PHACTR3: variants seen among roughly 807,000 people sequenced by gnomAD.
The protein encoded by PHACTR3 is protein phosphatase 1, regulatory subunit 123.
In PHACTR3, 16 loss-of-function variants were observed where a neutral mutation model predicts 66.8. The ratio of observed to expected loss-of-function variants is 0.24; its 90% CI spans 0.16 to 0.36. The LOEUF is 0.36. PHACTR3 is among the 10% of genes least tolerant of loss of function. PHACTR3 has a pLI of 1.00. For missense variants in PHACTR3, 647 were observed against 719.9 expected, an observed-to-expected ratio of 0.90 and a Z score of 1.16; for synonymous variants, 323 against 292.1, an observed-to-expected ratio of 1.11 and a Z score of -1.08.
At chr20:59,763,298 A>C (rs539332335) in intron 4 of PHACTR3, among the ~76,000 whole-genome samples, 3 of 152,222 alleles carry the variant, frequency 2.0e-5, no homozygotes, top group Non-Finnish European at 4.4e-5. Context: ...CTCCCCAGCC[A>C]TGCTGAACTG....
At chr20:59,632,581 G>A (rs1037109715) in intron 1 of PHACTR3, among the ~76,000 whole-genome samples, 1 of 152,180 alleles carries the variant, frequency 6.6e-6, no homozygotes, top group Non-Finnish European at 1.5e-5. Context: ...TTGATTTCCC[G>A]ATGGCATTAT....
intron 1 of PHACTR3, among the ~76,000 whole-genome samples, chr20:59,686,653 ATGG>A (rs569078863): frequency 9.8e-4 from 145 of 147,644 alleles, no homozygotes; most frequent in African/African-American, 2.4e-3. Context: ...GGTGATGATG[ATGG>A]TGGTGATGAT....
At chr20:59,794,788 T>C (rs1483694783) in intron 7 of PHACTR3, among the ~76,000 whole-genome samples, 1 of 152,168 alleles carries the variant, frequency 6.6e-6, no homozygotes, top group Non-Finnish European at 1.5e-5. Context: ...GTCCAGGAAA[T>C]GATCCATTTC....
Position 59,840,386 on chromosome 20 carries a change from G to A in PHACTR3, c.1402G>A (p.Glu468Lys). ...NILKQRNDQT[E>K]QEERREIKQR... ...TTTCACAGAAAGGAATGATCAGACA[G>A]AGCAGGAAGAAAGAAGAGAAATCAA... Residue 468 changes from glutamate (E) to lysine (K), a missense_variant, in exon 10 of 13, where the codon GAG becomes AAG. Transcript: ENST00000371015. 1 of 1,612,664 alleles carries A rather than the reference G, an allele frequency of 6.2e-7. No individual in the cohort carries two copies. The highest frequency in any genetic ancestry group is 8.5e-7 in the Non-Finnish European group (1 of 1,179,014).
rs78748349 is a variant in PHACTR3, at chr20:59,720,898, C to T, written c.119-22209C>T. ...TGCTTTTTGTGGTGTCCTTGAAAAT[C>T]GAGTGATTTTCACCCAGGATTTCTG... On this transcript the variant is annotated intron_variant, in intron 1 of 12. Transcript: ENST00000371015. Among the ~76,000 whole-genome samples, 1,228 of 152,204 alleles carry T rather than the reference C, an allele frequency of 8.1e-3. 21 individuals are homozygous for T. Among genetic ancestry groups the T allele is most frequent in the African/African-American group, 0.028 (1,176 of 41,474 alleles).
intron 7 of PHACTR3, among the ~76,000 whole-genome samples, chr20:59,800,412 A>G (rs73307124): frequency 6.6e-6 from 1 of 152,218 alleles, no homozygotes; most frequent in African/African-American, 2.4e-5. Context: ...TTTGAAAGAT[A>G]GTTTTTCCAA....
At chr20:59,622,015 C>T (rs140042009) in intron 1 of PHACTR3, among the ~76,000 whole-genome samples, 7 of 152,176 alleles carry the variant, frequency 4.6e-5, no homozygotes, top group African/African-American at 1.2e-4. Flanking sequence ...TTATTTTTGT[C>T]GAAAGTCATT....
intron 1 of PHACTR3, among the ~76,000 whole-genome samples, chr20:59,656,136 C>A (rs902649620): frequency 6.6e-6 from 1 of 151,832 alleles, no homozygotes; most frequent in Non-Finnish European, 1.5e-5. Flanking sequence ...GTAAAGTGTT[C>A]TATAGATGTC....
At chr20:59,579,873 T>TG in intron 1 of PHACTR3, among the ~76,000 whole-genome samples, 1 of 152,102 alleles carries the variant, frequency 6.6e-6, no homozygotes, top group East Asian at 1.9e-4. Flanking sequence ...GTGCTGTTTA[T>TG]GGGGGTGTGG....
At chr20:59,586,514 A>C (rs965006595) in intron 1 of PHACTR3, among the ~76,000 whole-genome samples, 2 of 151,678 alleles carry the variant, frequency 1.3e-5, no homozygotes, top group African/African-American at 4.9e-5. Context: ...AAATCATGAT[A>C]AATTAACTCC....
intron 8 of PHACTR3, among the ~76,000 whole-genome samples, chr20:59,810,390 G>T (rs1342456668): frequency 3.3e-5 from 5 of 152,202 alleles, no homozygotes; most frequent in Non-Finnish European, 7.3e-5. Context: ...TAAAAACCTG[G>T]AATTAGACAC....
chr20:59,847,198 T>C lies in PHACTR3; in HGVS notation c.*68T>C, dbSNP rs895972857. Reference sequence around the variant, plus strand: ...CAACACTGAACATTCATCAGGGAACTTTCCTGAAGTTCAGCTCAAGACTAC... The same window carrying C: ...CAACACTGAACATTCATCAGGGAACCTTCCTGAAGTTCAGCTCAAGACTAC... On this transcript the variant is annotated 3_prime_UTR_variant, in exon 13 of 13. Transcript: ENST00000371015. The C allele has an allele frequency of 1.1e-5, 14 of 1,222,060 alleles. No individual in the cohort carries two copies. Among genetic ancestry groups the C allele is most frequent in the Admixed American group, 1.1e-4 (6 of 55,962 alleles). The allele number at this position is 1,222,060 out of a possible 1,614,324, so 75.7% of individuals were successfully genotyped here. A position where few individuals can be genotyped will look rare whatever the true frequency, so the allele number is the denominator to read the frequency against.
At chr20:59,831,144 G>T (rs1229386623) in intron 8 of PHACTR3, among the ~76,000 whole-genome samples, 1 of 152,196 alleles carries the variant, frequency 6.6e-6, no homozygotes, top group African/African-American at 2.4e-5. Flanking sequence ...GGAAGTGCCT[G>T]TGGGGTCACC....
Position 59,841,376 on chromosome 20 carries a change from T to C in PHACTR3, c.1447-19T>C, listed in dbSNP as rs143199162. ...TAGTTTGGCATGTGATACTTAACTA[T>C]GATGATCTTTAATTTTAGCTTAATC... On this transcript the variant is annotated intron_variant, in intron 10 of 12. Transcript: ENST00000371015. 1,009 of 1,605,114 alleles carry C rather than the reference T, an allele frequency of 6.3e-4. 4 individuals are homozygous for C. In the East Asian group the frequency reaches 0.02, roughly 32 times the overall value.
chr20:59,798,652 C>T (rs1476571167), intron 7 of PHACTR3, among the ~76,000 whole-genome samples: 1 of 152,026 alleles, frequency 6.6e-6, no homozygotes, highest in Non-Finnish European at 1.5e-5. Flanking sequence ...TGAAGTGATT[C>T]ACTATATTTT....
intron 7 of PHACTR3, 92 bp downstream of exon 7, chr20:59,774,582 G>T (rs2040463205): frequency 1.3e-6 from 2 of 1,505,006 alleles, no homozygotes; most frequent in Non-Finnish European, 1.8e-6. Flanking sequence ...CCTGGGGGAG[G>T]AACAGGTCGA....
chr20:59,589,960 C>T (rs1338446827), intron 1 of PHACTR3, among the ~76,000 whole-genome samples: 1 of 152,246 alleles, frequency 6.6e-6, no homozygotes, highest in African/African-American at 2.4e-5. Context: ...CAGCCGCCGT[C>T]GTGGAGTCTA....
At chr20:59,687,043 ATGG>A (rs772059054) in intron 1 of PHACTR3, among the ~76,000 whole-genome samples, 11 of 148,448 alleles carry the variant, frequency 7.4e-5, no homozygotes, top group Non-Finnish European at 1.1e-4. Flanking sequence ...GGTGATGATG[ATGG>A]TGGTGATTGT....
rs1194871611 is a variant in PHACTR3 at position 59,605,005 on chromosome 20, G to T, written c.-10G>T. 13 of 1,310,820 alleles carry T rather than the reference G, an allele frequency of 9.9e-6. No individual in the cohort carries two copies. The highest frequency in any genetic ancestry group is 1.2e-5 in the Non-Finnish European group (12 of 1,023,918). The allele number at this position is 1,310,820 out of a possible 1,614,324, so 81.2% of individuals were successfully genotyped here. ...GCTCGCTCTAACTTGCCCCCGCGCC[G>T]GCCGGGCCCATGGCCGCGTCGGAGG... On this transcript the variant is annotated 5_prime_UTR_variant, in exon 1 of 13. Coordinates refer to ENST00000371015, the MANE Select transcript of PHACTR3 (RefSeq NM_080672.5).
Sources: gnomAD v4.1 joint callset for allele counts (sites outside exome capture counted in the v4.1 genomes callset) on GRCh38, gnomAD v4.1.1 for gene constraint, MANE v1.5 for transcripts, NCBI Gene and HGNC (gene_info 2026-07-23, HGNC 2026-07-21) for gene names.